Variants in GRIN2B observed in about 807,000 individuals in gnomAD.
GRIN2B encodes glutamate receptor ionotropic, NMDA 2B.
A neutral mutation model predicts 114.5 loss-of-function variants in GRIN2B; 5 were observed. The observed-to-expected ratio is 0.04, with a 90% CI of 0.02 to 0.09. GRIN2B has a LOEUF of 0.09. GRIN2B is among the 10% of genes least tolerant of loss of function. GRIN2B has a pLI of 1.00. For synonymous variants in GRIN2B, 787 were observed against 745.1 expected (o/e 1.06, Z -0.92); for missense variants, 1,108 against 1,943.5 (o/e 0.57, Z 8.08).
At chr12:13,916,899 C>T (rs892174321) in intron 2 of GRIN2B, among the ~76,000 whole-genome samples, 3 of 151,662 alleles carry the variant, frequency 2.0e-5, no homozygotes, top group African/African-American at 4.8e-5. Flanking sequence ...CAATACCTGG[C>T]GTGGGGAAAA....
Position 13,551,238 on chromosome 12 carries a change from CAG to C in GRIN2B, c.*11543_*11544del, listed in dbSNP as rs897430069. On this transcript the variant is annotated 3_prime_UTR_variant, in exon 14 of 14. Coordinates refer to ENST00000609686, the MANE Select transcript of GRIN2B (RefSeq NM_000834.5). ...CTACCCTTATTCCTCCCATTGAGAACAGACCTCTCCACCTCTGCTCATGATGT... is the reference window on the plus strand; with the variant it reads ...CTACCCTTATTCCTCCCATTGAGAACACCTCTCCACCTCTGCTCATGATGT... 6.6e-5 allele frequency: 10 copies of C among 152,056 alleles called. No individual in the cohort carries two copies. Among genetic ancestry groups the C allele is most frequent in the African/African-American group, 2.4e-4 (10 of 41,392 alleles). The allele number at this position is 152,056 out of a possible 1,614,324, so 9.4% of individuals were successfully genotyped here. A position where few individuals can be genotyped will look rare whatever the true frequency, so the allele number is the denominator to read the frequency against.
At chr12:13,625,578 C>T (rs1371062651) in intron 5 of GRIN2B, among the ~76,000 whole-genome samples, 1 of 152,204 alleles carries the variant, frequency 6.6e-6, no homozygotes. Flanking sequence ...TTGAAAACAT[C>T]AGTGCAGCTC....
chr12:13,616,999 A>G (rs1411444628), intron 5 of GRIN2B, among the ~76,000 whole-genome samples: 1 of 152,206 alleles, frequency 6.6e-6, no homozygotes, highest in Non-Finnish European at 1.5e-5. Flanking sequence ...GTAAACAAAT[A>G]TCTTGCAGCG....
chr12:13,858,231 T>A (rs56891900), intron 3 of GRIN2B, among the ~76,000 whole-genome samples: 1 of 152,190 alleles, frequency 6.6e-6, no homozygotes, highest in Non-Finnish European at 1.5e-5. Context: ...AACTCAGAGT[T>A]TGACAAAAAA....
intron 3 of GRIN2B, among the ~76,000 whole-genome samples, chr12:13,793,825 A>G (rs74067312): frequency 0.037 from 5,593 of 152,198 alleles, 131 homozygotes; most frequent in African/African-American, 0.062. Context: ...TATCTTCAAA[A>G]TCAGACTTTT....
chr12:13,795,950 G>A (rs1864411985), intron 3 of GRIN2B, among the ~76,000 whole-genome samples: 1 of 152,018 alleles, frequency 6.6e-6, no homozygotes, highest in Non-Finnish European at 1.5e-5. Flanking sequence ...GGGGATGGGG[G>A]AGGGATAACA....
At chr12:13,790,183 T>C (rs1864296467) in intron 3 of GRIN2B, among the ~76,000 whole-genome samples, 1 of 152,206 alleles carries the variant, frequency 6.6e-6, no homozygotes, top group Non-Finnish European at 1.5e-5. Flanking sequence ...GCAGCCCCTC[T>C]GTAGTAAATC....
chr12:13,806,139 A>G (rs774126576), intron 3 of GRIN2B, among the ~76,000 whole-genome samples: 62 of 152,156 alleles, frequency 4.1e-4, no homozygotes, highest in Non-Finnish European at 7.4e-4. Flanking sequence ...ACTGATGGAC[A>G]CTTAGGTTGA....
chr12:13,748,441 C>T, intron 4 of GRIN2B, among the ~76,000 whole-genome samples: 1 of 152,136 alleles, frequency 6.6e-6, no homozygotes, highest in Non-Finnish European at 1.5e-5. Context: ...GGAGAAATGA[C>T]AAATGAAAAA....
At chr12:13,942,053 A>G (rs959007485) in intron 2 of GRIN2B, among the ~76,000 whole-genome samples, 2 of 152,208 alleles carry the variant, frequency 1.3e-5, no homozygotes, top group African/African-American at 4.8e-5. Flanking sequence ...CAAGCCTTTG[A>G]AAAAAGGTCT....
intron 4 of GRIN2B, among the ~76,000 whole-genome samples, chr12:13,708,434 T>C (rs960861421): frequency 6.6e-6 from 1 of 152,126 alleles, no homozygotes; most frequent in East Asian, 1.9e-4. Flanking sequence ...TTTTTCTTAA[T>C]AGAGAAGATG....
At chr12:13,641,140 C>T (rs150332022) in intron 5 of GRIN2B, among the ~76,000 whole-genome samples, 10,044 of 152,002 alleles carry the variant, frequency 0.066, 498 homozygotes, top group African/African-American at 0.14. Flanking sequence ...GGCACAATCT[C>T]AGCTCACTGC....
chr12:13,898,118 G>T (rs1866382995), intron 2 of GRIN2B, among the ~76,000 whole-genome samples: 1 of 152,128 alleles, frequency 6.6e-6, no homozygotes, highest in South Asian at 2.1e-4. Context: ...AACAATGACA[G>T]TGAATATAGA....
rs1289984081 is a variant in GRIN2B, at chr12:13,561,140, G to A, written c.*1643C>T. 1 of 152,154 alleles carries A rather than the reference G, an allele frequency of 6.6e-6. No individual in the cohort carries two copies. Among genetic ancestry groups the A allele is most frequent in the Non-Finnish European group, 1.5e-5 (1 of 68,030 alleles). The allele number at this position is 152,154 out of a possible 1,614,324, so 9.4% of individuals were successfully genotyped here. On this transcript the variant is annotated 3_prime_UTR_variant, in exon 14 of 14. Coordinates refer to ENST00000609686, the MANE Select transcript of GRIN2B (RefSeq NM_000834.5). ...TCCCTTCTCAATTTTCCAATGTTAA[G>A]TGAAGGGAGCATCAGTTCTGCTGGT...
rs1339660066 is a variant in GRIN2B, at chr12:13,607,336, TATATATA to T, written c.2010+1260_2010+1266del. On this transcript the variant is annotated intron_variant, in intron 10 of 13. Transcript: ENST00000609686. ...ATAATATAAAATATATAATATATAT[TATATATA>T]ATATATAAAATATATAATATATATT... Among the ~76,000 whole-genome samples, 11 of 49,908 alleles carry T rather than the reference TATATATA, an allele frequency of 2.2e-4. 1 individual carries two copies. Among genetic ancestry groups the T allele is most frequent in the South Asian group, 4.1e-4 (1 of 2,430 alleles). The allele number at this position is 49,908 out of a possible 152,430, so 32.7% of individuals were successfully genotyped here.
At chr12:13,945,377 G>GT (rs1565595933) in intron 2 of GRIN2B, among the ~76,000 whole-genome samples, 1 of 152,086 alleles carries the variant, frequency 6.6e-6, no homozygotes, top group Non-Finnish European at 1.5e-5. Flanking sequence ...TTTGTTTTCC[G>GT]TATCACTCCA....
At chr12:13,810,131 C>T (rs1364483719) in intron 3 of GRIN2B, among the ~76,000 whole-genome samples, 1 of 152,002 alleles carries the variant, frequency 6.6e-6, no homozygotes, top group African/African-American at 2.4e-5. Context: ...AAATGAAACC[C>T]CACCACCCCC....
chr12:13,600,818 C>T (rs149152567), intron 10 of GRIN2B, among the ~76,000 whole-genome samples: 4 of 152,220 alleles, frequency 2.6e-5, no homozygotes, highest in African/African-American at 7.2e-5. Flanking sequence ...CAGTGTAGTA[C>T]GTATTGTGAG....
intron 3 of GRIN2B, among the ~76,000 whole-genome samples, chr12:13,760,862 C>G (rs1469363324): frequency 6.6e-6 from 1 of 152,190 alleles, no homozygotes; most frequent in African/African-American, 2.4e-5. Flanking sequence ...ATGATCATCT[C>G]CTTTGATGAG....
Sources: gnomAD v4.1 joint callset for allele counts (sites outside exome capture counted in the v4.1 genomes callset) on GRCh38, gnomAD v4.1.1 for gene constraint, MANE v1.5 for transcripts, NCBI Gene and HGNC (gene_info 2026-07-23, HGNC 2026-07-21) for gene names.